Variants in MARK1 observed in about 807,000 individuals in gnomAD.
MARK1 encodes serine/threonine-protein kinase MARK1.
MARK1 carries 40 observed loss-of-function variants against 96.3 expected under a neutral mutation model. That is an observed-to-expected ratio of 0.42 (90% CI 0.32 to 0.54). The LOEUF is 0.54. Ranked by LOEUF, MARK1 falls within the 20% of genes least tolerant of loss-of-function variation. The pLI is 0.16. For synonymous variants in MARK1, 317 were observed against 341.2 expected, an observed-to-expected ratio of 0.93 and a Z score of 0.78; for missense variants, 719 against 984.6, an observed-to-expected ratio of 0.73 and a Z score of 3.61.
Position 220,618,305 on chromosome 1 carries a change from C to T in MARK1, c.553-5C>T, listed in dbSNP as rs371085619. ...ACATTGTTCTTTCTATTATTTTCCT[C>T]TTAGGCTGAAAACCTTCTCCTTGAT... On this transcript the variant is annotated splice_region_variant and splice_polypyrimidine_tract_variant and intron_variant, in intron 7 of 17. Coordinates refer to ENST00000366917, the MANE Select transcript of MARK1 (RefSeq NM_018650.5). This position sits in a 1 kb window ranked among gnomAD's most constrained non-coding sequence, Gnocchi z 4.6. The T allele has an allele frequency of 6.4e-7, 1 of 1,552,140 alleles. No homozygotes were observed. The highest frequency in any genetic ancestry group is 2.2e-5 in the East Asian group (1 of 44,530).
At chr1:220,646,820 A>G (rs1338048524) in intron 13 of MARK1, among the ~76,000 whole-genome samples, 1 of 152,200 alleles carries the variant, frequency 6.6e-6, no homozygotes, top group Non-Finnish European at 1.5e-5. Context: ...CCCTATTTTA[A>G]CAAATTGTGC....
chr1:220,655,781 G>C (rs963949785), intron 16 of MARK1, among the ~76,000 whole-genome samples: 1 of 152,130 alleles, frequency 6.6e-6, no homozygotes, highest in African/African-American at 2.4e-5. Flanking sequence ...TAAAGCCCCT[G>C]ATTAGCTTTC....
At chr1:220,553,906 G>T (rs1662053992) in intron 1 of MARK1, among the ~76,000 whole-genome samples, 1 of 152,206 alleles carries the variant, frequency 6.6e-6, no homozygotes, top group Non-Finnish European at 1.5e-5. Context: ...TGGCTAAGCA[G>T]CTTGCATGAC....
intron 12 of MARK1, 32 bp downstream of exon 12, chr1:220,635,561 A>G (rs554089766): frequency 6.3e-5 from 100 of 1,592,566 alleles, no homozygotes; most frequent in Admixed American, 2.2e-4. Context: ...GTGAAGCAAC[A>G]CACGGGTTCT....
At chr1:220,634,536 T>G (rs1346407155) in intron 11 of MARK1, among the ~76,000 whole-genome samples, 1 of 152,240 alleles carries the variant, frequency 6.6e-6, no homozygotes, top group Non-Finnish European at 1.5e-5. Context: ...TGAGTACTTA[T>G]AAACTCGGAA....
rs1441613751 is a variant in MARK1, at chr1:220,649,221, C to G, written c.1471-1399C>G. Among the ~76,000 whole-genome samples, 5 of 150,852 alleles carry G rather than the reference C, an allele frequency of 3.3e-5. No homozygotes were observed. The East Asian group carries it at 9.7e-4, about 29-fold the overall frequency. ...ATTTTCTTTGCCTTAATAACATGGA[C>G]CAAGTCTTTTTTTTTTTTGGGGGAC... On this transcript the variant is annotated intron_variant, in intron 13 of 17. Transcript: ENST00000366917.
chr1:220,594,271 A>G (rs1665178523), intron 3 of MARK1, among the ~76,000 whole-genome samples: 2 of 152,234 alleles, frequency 1.3e-5, no homozygotes, highest in Admixed American at 1.3e-4. Flanking sequence ...AGCATATGAA[A>G]AGATACTCCA....
intron 1 of MARK1, among the ~76,000 whole-genome samples, chr1:220,549,569 A>G (rs113099836): frequency 5.3e-4 from 81 of 152,344 alleles, no homozygotes; most frequent in Middle Eastern, 6.8e-3. Flanking sequence ...CTGTTTTACT[A>G]GAATTTTTGT....
rs1034113552 is a variant in MARK1 at position 220,618,549 on chromosome 1, A to G, written c.789+3A>G. On this transcript the variant is annotated splice_donor_region_variant and intron_variant, in intron 8 of 17. Coordinates refer to ENST00000366917, the MANE Select transcript of MARK1 (RefSeq NM_018650.5). The surrounding 1 kb of genome is among the most constrained non-coding windows in gnomAD (Gnocchi z 4.6). ...CTTTCGATGGCCAGAATTTAAAGGT[A>G]TCAGCTAAATTCTTTATTAATGTTT... 2 of 1,613,102 alleles carry G rather than the reference A, an allele frequency of 1.2e-6. No homozygotes were observed. The highest frequency in any genetic ancestry group is 1.7e-6 in the Non-Finnish European group (2 of 1,179,188).
intron 1 of MARK1, among the ~76,000 whole-genome samples, chr1:220,571,274 C>T (rs117114806): frequency 2.0e-5 from 3 of 152,046 alleles, no homozygotes; most frequent in East Asian, 3.9e-4. Flanking sequence ...AGACGTAGTG[C>T]GTGACAACTT....
At chr1:220,587,106 C>G (rs1664672467) in intron 3 of MARK1, among the ~76,000 whole-genome samples, 1 of 152,040 alleles carries the variant, frequency 6.6e-6, no homozygotes. Context: ...CTTTCTTATT[C>G]CCACTTAAAT....
chr1:220,587,299 T>TC (rs1664693375), intron 3 of MARK1, among the ~76,000 whole-genome samples: 1 of 143,464 alleles, frequency 7.0e-6, no homozygotes, highest in African/African-American at 2.6e-5. Flanking sequence ...CTTCCTTCCT[T>TC]CCTCCCTCCC....
Position 220,662,018 on chromosome 1 carries a change from C to A in MARK1, c.2240C>A (p.Ala747Asp). 5 of 1,614,162 alleles carry A rather than the reference C, an allele frequency of 3.1e-6. No individual in the cohort carries two copies. In the East Asian group the frequency reaches 1.1e-4, roughly 36 times the overall value. ...RFLLFCVHGD[A>D]RQDSLVQWEM... is the part of the protein sequence containing the mutation. The stretch of plus-strand genomic sequence containing the variant: ...TTGCTTTTCTGTGTCCATGGAGACG[C>A]TAGACAGGATAGCCTCGTGCAGTGG... Residue 747 changes from alanine (A) to aspartate (D), a missense_variant, in exon 18 of 18, where the codon GCT becomes GAT. By Grantham distance (126) the Ala-to-Asp change is moderately radical (BLOSUM62 -2). Transcript: ENST00000366917.
intron 1 of MARK1, among the ~76,000 whole-genome samples, chr1:220,545,012 C>T (rs575229181): frequency 1.3e-5 from 2 of 152,260 alleles, no homozygotes; most frequent in East Asian, 3.9e-4. Context: ...AGTTGCAGTT[C>T]CTTGTCATCC....
Position 220,664,137 on chromosome 1 carries a change from A to G in MARK1, c.*1971A>G, listed in dbSNP as rs1204983793. The G allele has an allele frequency of 6.6e-6, 1 of 152,050 alleles. No individual in the cohort carries two copies. The highest frequency in any genetic ancestry group is 2.4e-5 in the African/African-American group (1 of 41,412). 9.4% of individuals were successfully genotyped at this position (152,050 alleles called of 1,614,324 possible). ...CTGAAATACGTTTTTAAAAAAATAG[A>G]CTCATGTGTTTTCCACGGTAGAAAC... is the stretch of plus-strand genomic sequence containing the variant. On this transcript the variant is annotated 3_prime_UTR_variant, in exon 18 of 18. Coordinates refer to ENST00000366917, the MANE Select transcript of MARK1 (RefSeq NM_018650.5).
intron 13 of MARK1, among the ~76,000 whole-genome samples, chr1:220,643,914 G>T (rs563845665): frequency 1.3e-5 from 2 of 152,264 alleles, no homozygotes; most frequent in Non-Finnish European, 2.9e-5. Flanking sequence ...AGCTCCTGAA[G>T]GAAGTACTAA....
chr1:220,653,217 A>G lies in MARK1; in HGVS notation c.1853A>G (p.Gln618Arg). The G allele has an allele frequency of 6.2e-7, 1 of 1,614,238 alleles. No homozygotes were observed. The change falls in exon 16 of 18, where the codon CAG (glutamine) becomes CGG (arginine). Residue 618 changes from glutamine (Q) to arginine (R), a missense_variant. By Grantham distance (43) the Gln-to-Arg change is conservative. Transcript: ENST00000366917. ...AGCCGAAGCACTTTCCATGGTGAAC[A>G]GCTCCGGGAGCGACGCAGCGTTGCT... Reference protein sequence around the residue: ...SSSRSTFHGEQLRERRSVAYN... With the variant: ...SSSRSTFHGERLRERRSVAYN...
intron 11 of MARK1, among the ~76,000 whole-genome samples, chr1:220,633,175 C>T (rs1435498298): frequency 2.6e-5 from 4 of 152,160 alleles, no homozygotes; most frequent in African/African-American, 9.7e-5. Flanking sequence ...TGTCCACCTT[C>T]CTGACTCAAA....
intron 5 of MARK1, among the ~76,000 whole-genome samples, chr1:220,600,426 C>G (rs1422142130): frequency 6.6e-6 from 1 of 152,106 alleles, no homozygotes; most frequent in African/African-American, 2.4e-5. Context: ...AGTAGAATAT[C>G]ACATATGTTT....
Sources: gnomAD v4.1 joint callset for allele counts (sites outside exome capture counted in the v4.1 genomes callset) on GRCh38, gnomAD v4.1.1 for gene constraint, Gnocchi (gnomAD v3.1) non-coding constraint, MANE v1.5 for transcripts, NCBI Gene and HGNC (gene_info 2026-07-23, HGNC 2026-07-21) for gene names.